The following RPS6KC1 variants were observed in gnomAD, a reference collection of about 807,000 sequenced individuals.
RPS6KC1 encodes the protein inactive ribosomal protein S6 kinase delta-1.
RPS6KC1 carries 54 observed loss-of-function variants against 103.8 expected under a neutral mutation model. That is an observed-to-expected ratio of 0.52 (90% CI 0.42 to 0.65). RPS6KC1 has a LOEUF of 0.65. Among genes scored for constraint, RPS6KC1 ranks in the 30% least tolerant of loss-of-function variants. The pLI, the probability that RPS6KC1 is intolerant of heterozygous loss-of-function variation, is 0.00. For missense variants in RPS6KC1, 1,151 were observed against 1,253.8 expected, an observed-to-expected ratio of 0.92 and a Z score of 1.24; for synonymous variants, 439 against 438.7, an observed-to-expected ratio of 1.00 and a Z score of -0.01.
At chr1:213,073,891 G>T (rs1267416878) in intron 2 of RPS6KC1, among the ~76,000 whole-genome samples, 1 of 152,094 alleles carries the variant, frequency 6.6e-6, no homozygotes, top group African/African-American at 2.4e-5. Context: ...GGCCAGGCAG[G>T]TCTCAAACTC....
At chr1:213,764,771 G>A in the RPS6KC1 span, among the ~76,000 whole-genome samples, 1 of 152,150 alleles carries the variant, frequency 6.6e-6, no homozygotes, top group Admixed American at 6.5e-5. Context: ...AAGTGGAAGG[G>A]ACCAAGCCAT....
chr1:213,805,707 T>C, the RPS6KC1 span, among the ~76,000 whole-genome samples: 2 of 152,240 alleles, frequency 1.3e-5, no homozygotes, highest in Non-Finnish European at 2.9e-5. Context: ...TTTGACCTCA[T>C]CTTTTGAATC....
chr1:213,356,969 TG>T, the RPS6KC1 span, among the ~76,000 whole-genome samples: 336 of 152,298 alleles, frequency 2.2e-3, 1 homozygote, highest in South Asian at 0.015. Flanking sequence ...TCTGTGCCCG[TG>T]ACTCTGACTG....
chr1:213,327,322 G>A, the RPS6KC1 span, among the ~76,000 whole-genome samples: 12 of 7,250 alleles, frequency 1.7e-3, no homozygotes, highest in Non-Finnish European at 0.015. Context: ...CTCTTAATCC[G>A]TTAAAAAAAA....
At chr1:213,607,315 A>C in the RPS6KC1 span, among the ~76,000 whole-genome samples, 1 of 152,246 alleles carries the variant, frequency 6.6e-6, no homozygotes, top group Non-Finnish European at 1.5e-5. Flanking sequence ...AAGAAATGGG[A>C]TATAAGCCCA....
intron 8 of RPS6KC1, among the ~76,000 whole-genome samples, chr1:213,187,769 C>A (rs921054097): frequency 2.0e-5 from 3 of 151,714 alleles, no homozygotes; most frequent in Admixed American, 6.6e-5. Flanking sequence ...TATGTCTTTG[C>A]ATTGAAGGAT....
At chr1:213,794,204 T>C in the RPS6KC1 span, among the ~76,000 whole-genome samples, 1 of 152,202 alleles carries the variant, frequency 6.6e-6, no homozygotes, top group South Asian at 2.1e-4. Context: ...AGTATTCTAA[T>C]TCACTCAAAG....
intron 1 of RPS6KC1, among the ~76,000 whole-genome samples, chr1:213,054,383 C>T (rs1179180667): frequency 1.3e-5 from 2 of 152,156 alleles, no homozygotes; most frequent in African/African-American, 4.8e-5. Flanking sequence ...GTCTGAGAGT[C>T]AACGTGGAGA....
At chr1:213,242,707 C>G in intron 12 of RPS6KC1, 49 bp downstream of exon 12, 1 of 1,297,900 alleles carries the variant, frequency 7.7e-7, no homozygotes, top group Non-Finnish European at 1.1e-6. Flanking sequence ...GGTTCGGCAG[C>G]TCTCATTTCT....
At chr1:213,797,249 A>T in the RPS6KC1 span, among the ~76,000 whole-genome samples, 1 of 152,238 alleles carries the variant, frequency 6.6e-6, no homozygotes, top group African/African-American at 2.4e-5. Context: ...TTATAATTTG[A>T]AGTAAACTGT....
chr1:213,762,404 C>A, the RPS6KC1 span, among the ~76,000 whole-genome samples: 1 of 152,164 alleles, frequency 6.6e-6, no homozygotes, highest in African/African-American at 2.4e-5. Flanking sequence ...GCATCCTGGG[C>A]CATTCTGGGT....
At position 213,194,662 on chromosome 1, in the gene RPS6KC1, C is replaced by T. The variant is rs12064974; in HGVS notation, c.1044+18170C>T. Among the ~76,000 whole-genome samples, 1,068 of 152,304 alleles carry T rather than the reference C, an allele frequency of 7.0e-3. 14 individuals carry two copies. The highest frequency in any genetic ancestry group is 0.024 in the African/African-American group (1,013 of 41,562). ...GCCTGCTGTCAGATTAGTGGTAACACTAGATTCTCATAGGAGCGCAAACCC... is the reference window on the plus strand; with the variant it reads ...GCCTGCTGTCAGATTAGTGGTAACATTAGATTCTCATAGGAGCGCAAACCC... On this transcript the variant is annotated intron_variant, in intron 8 of 14. Transcript: ENST00000366960.
chr1:213,553,943 A>C, the RPS6KC1 span, among the ~76,000 whole-genome samples: 1 of 152,100 alleles, frequency 6.6e-6, no homozygotes, highest in Non-Finnish European at 1.5e-5. Context: ...TATAGGATGC[A>C]TAGTTTGCAA....
the RPS6KC1 span, among the ~76,000 whole-genome samples, chr1:213,794,803 A>G: frequency 6.6e-6 from 1 of 152,206 alleles, no homozygotes; most frequent in Non-Finnish European, 1.5e-5. Context: ...GGCATAAGTG[A>G]CAGTCAAGCC....
At chr1:213,267,967 A>T (rs2094950574) in intron 14 of RPS6KC1, among the ~76,000 whole-genome samples, 1 of 151,952 alleles carries the variant, frequency 6.6e-6, no homozygotes, top group Non-Finnish European at 1.5e-5. Flanking sequence ...TATACATATA[A>T]TGATAGTCCC....
intron 5 of RPS6KC1, among the ~76,000 whole-genome samples, chr1:213,125,516 G>A (rs554172331): frequency 2.6e-5 from 4 of 151,878 alleles, no homozygotes; most frequent in East Asian, 1.9e-4. Context: ...GCAATTTTGC[G>A]CTTTTGATAT....
the RPS6KC1 span, among the ~76,000 whole-genome samples, chr1:213,788,591 T>C: frequency 0.068 from 10,309 of 152,180 alleles, 457 homozygotes; most frequent in East Asian, 0.24. Context: ...GCAGCTGTGA[T>C]GGAAATGAGA....
chr1:213,178,771 A>G (rs76772506), intron 8 of RPS6KC1, among the ~76,000 whole-genome samples: 14 of 151,818 alleles, frequency 9.2e-5, no homozygotes, highest in Admixed American at 5.9e-4. Flanking sequence ...CTGGAGTGCA[A>G]TGGCACAATC....
chr1:213,302,448 G>A, the RPS6KC1 span, among the ~76,000 whole-genome samples: 44 of 152,114 alleles, frequency 2.9e-4, no homozygotes, highest in Non-Finnish European at 2.4e-4. Context: ...GATCCTTTGA[G>A]CCCAGTAGTT....
Sources: gnomAD v4.1 joint callset for allele counts (sites outside exome capture counted in the v4.1 genomes callset) on GRCh38, gnomAD v4.1.1 for gene constraint, MANE v1.5 for transcripts, NCBI Gene and HGNC (gene_info 2026-07-23, HGNC 2026-07-21) for gene names.